Variants in GGH observed in about 807,000 individuals in gnomAD.
GGH encodes gamma-Glu-X carboxypeptidase.
Under a neutral mutation model 39.2 loss-of-function variants are expected in GGH, and 18 were observed. The observed-to-expected ratio is 0.46, with a 90% CI of 0.32 to 0.68. The LOEUF (loss-of-function observed/expected upper bound fraction) is 0.68. Among genes scored for constraint, GGH ranks in the 30% least tolerant of loss-of-function variants. The probability of loss-of-function intolerance (pLI) is 0.04; values close to 1 mark genes in which losing one functional copy is unlikely to be tolerated. For missense variants in GGH, 367 were observed against 384.1 expected (o/e 0.96, Z 0.37); for synonymous variants, 147 against 138.8 (o/e 1.06, Z -0.42).
intron 7 of GGH, among the ~76,000 whole-genome samples, chr8:63,021,669 C>CTT (rs752057959): frequency 0.022 from 2,062 of 93,224 alleles, 152 homozygotes; most frequent in African/African-American, 0.08. Flanking sequence ...ATCTCATATC[C>CTT]TTTTTTTTTT....
chr8:63,033,620 T>C (rs1403796239), intron 2 of GGH, among the ~76,000 whole-genome samples: 3 of 145,702 alleles, frequency 2.1e-5, no homozygotes, highest in Non-Finnish European at 4.5e-5. Context: ...CTTCATTTAT[T>C]TTTTATAATT....
At chr8:63,032,871 C>T (rs935665217) in intron 2 of GGH, among the ~76,000 whole-genome samples, 3 of 152,180 alleles carry the variant, frequency 2.0e-5, no homozygotes, top group African/African-American at 7.2e-5. Context: ...TCAAAACTCC[C>T]ATGATTTCAA....
At chr8:63,023,793 C>G in intron 7 of GGH, 114 bp downstream of exon 7, 1 of 733,502 alleles carries the variant, frequency 1.4e-6, no homozygotes, top group Non-Finnish European at 2.0e-6. Context: ...CCAAAATGCC[C>G]TAACACCCCT....
At chr8:63,018,873 G>A (rs917959947) in intron 7 of GGH, among the ~76,000 whole-genome samples, 3 of 152,152 alleles carry the variant, frequency 2.0e-5, no homozygotes, top group South Asian at 2.1e-4. Context: ...CATGGAAAAC[G>A]TGTATTATGA....
chr8:63,026,634 G>A (rs189857170), intron 4 of GGH, among the ~76,000 whole-genome samples: 51 of 152,268 alleles, frequency 3.3e-4, no homozygotes, highest in African/African-American at 1.2e-3. Flanking sequence ...AAGATTCTAG[G>A]GCCAGCAAGA....
chr8:63,017,390 C>T lies in GGH; in HGVS notation c.835+103G>A, dbSNP rs1341787957. 1.1e-5 allele frequency: 8 copies of T among 705,732 alleles called. No homozygotes were observed. The East Asian group carries it at 1.8e-4, about 16-fold the overall frequency. 43.7% of individuals were successfully genotyped at this position (705,732 alleles called of 1,614,324 possible). The stretch of plus-strand genomic sequence containing the variant: ...ATTCTTTAAAGTTAAACCTATAGAA[C>T]TTACAAAACATTTATAGAGCAAAAG... On this transcript the variant is annotated intron_variant, in intron 8 of 8. Transcript: ENST00000260118.
At chr8:63,019,331 T>C (rs1039448610) in intron 7 of GGH, among the ~76,000 whole-genome samples, 12 of 152,192 alleles carry the variant, frequency 7.9e-5, no homozygotes, top group Admixed American at 3.9e-4. Context: ...TACACAATCC[T>C]GACTGAAAAA....
intron 7 of GGH, chr8:63,023,528 A>AT (rs1563667751): frequency 2.6e-5 from 4 of 154,368 alleles, no homozygotes; most frequent in African/African-American, 9.6e-5. Context: ...GAGTATCTTT[A>AT]TTTCTTTGCC....
At chr8:63,020,317 AAGC>A in intron 7 of GGH, among the ~76,000 whole-genome samples, 3 of 152,312 alleles carry the variant, frequency 2.0e-5, no homozygotes, top group African/African-American at 7.2e-5. Context: ...GCATAGTCAA[AAGC>A]AGAACCAACA....
chr8:63,017,095 G>A (rs747843570), intron 8 of GGH, among the ~76,000 whole-genome samples: 1 of 152,128 alleles, frequency 6.6e-6, no homozygotes, highest in Admixed American at 6.5e-5. Context: ...GGATGCCGAG[G>A]CAGGAGGATC....
chr8:63,026,817 T>A (rs1458254365), intron 4 of GGH, among the ~76,000 whole-genome samples: 2 of 151,422 alleles, frequency 1.3e-5, no homozygotes, highest in African/African-American at 2.4e-5. Flanking sequence ...ATTGAATGAG[T>A]TGGGAAGAAG....
At chr8:63,036,110 C>T (rs1328194826) in intron 1 of GGH, among the ~76,000 whole-genome samples, 1 of 152,146 alleles carries the variant, frequency 6.6e-6, no homozygotes, top group African/African-American at 2.4e-5. Context: ...CCCACACATA[C>T]TCACAGACAC....
chr8:63,024,198 T>C lies in GGH; in HGVS notation c.500-12A>G. The C allele has an allele frequency of 2.7e-6, 4 of 1,468,820 alleles. No homozygotes were observed. The highest frequency in any genetic ancestry group is 2.9e-6 in the Non-Finnish European group (3 of 1,051,126). The allele number at this position is 1,468,820 out of a possible 1,614,324, so 91.0% of individuals were successfully genotyped here. On this transcript the variant is annotated splice_polypyrimidine_tract_variant and intron_variant, in intron 5 of 8. Coordinates refer to ENST00000260118, the MANE Select transcript of GGH (RefSeq NM_003878.3). ...GCTGTGCAATTGACCTGAAATAATT[T>C]AAGTACAAGAGAAATAATTTAAACA...
chr8:63,033,910 C>G (rs1804850636), intron 2 of GGH, among the ~76,000 whole-genome samples: 1 of 150,970 alleles, frequency 6.6e-6, no homozygotes, highest in Non-Finnish European at 1.5e-5. Flanking sequence ...ACTTGGGCCT[C>G]CAGCTGCATT....
chr8:63,037,356 G>A (rs899462884), intron 1 of GGH, among the ~76,000 whole-genome samples: 4 of 152,092 alleles, frequency 2.6e-5, no homozygotes, highest in Non-Finnish European at 5.9e-5. Context: ...CATCATGGGA[G>A]CACAAGGGTA....
intron 7 of GGH, among the ~76,000 whole-genome samples, chr8:63,022,665 C>G (rs767386211): frequency 1.3e-5 from 2 of 151,530 alleles, no homozygotes; most frequent in Non-Finnish European, 2.9e-5. Flanking sequence ...CAGGCACATG[C>G]CACCATGCCC....
intron 8 of GGH, 80 bp from the exon 9 acceptor site, chr8:63,015,533 A>G (rs1320883139): frequency 1.2e-6 from 1 of 839,440 alleles, no homozygotes; most frequent in Non-Finnish European, 1.9e-6. Flanking sequence ...TTCTTCCTGC[A>G]ATCAGCATTA....
In GGH at chr8:63,027,470, T is replaced by C. The variant is rs1040503778; in HGVS notation, c.276-205A>G. ...GAAACTACAGCAGTTAACAACACTT[T>C]AGTGCATATTTTCCAAAAACTTCTT... On this transcript the variant is annotated intron_variant, in intron 3 of 8. Transcript: ENST00000260118. 4.6e-5 allele frequency among the ~76,000 whole-genome samples: 7 copies of C among 152,354 alleles called. No individual in the cohort carries two copies. The South Asian group carries it at 8.3e-4, about 18-fold the overall frequency.
Position 63,015,763 on chromosome 8 carries a change from G to A in GGH, c.836-310C>T, listed in dbSNP as rs928917283. ...ACAGTCGCGCATGGCCACAGCAGCT[G>A]TGCTGTACTCCCCCTGCAGCATATC... On this transcript the variant is annotated intron_variant, in intron 8 of 8. Coordinates refer to ENST00000260118, the MANE Select transcript of GGH (RefSeq NM_003878.3). Among the ~76,000 whole-genome samples, 12 of 152,052 alleles carry A rather than the reference G, an allele frequency of 7.9e-5. No homozygotes were observed. In the South Asian group the frequency reaches 1.0e-3, roughly 13 times the overall value.
Sources: allele counts gnomAD v4.1 joint callset (sites outside exome capture counted in the v4.1 genomes callset), GRCh38; gene constraint gnomAD v4.1.1; transcripts MANE v1.5; gene names NCBI Gene and HGNC (gene_info 2026-07-23, HGNC 2026-07-21).